PLEKHA5: variants seen among roughly 807,000 people sequenced by gnomAD.
PLEKHA5 encodes pleckstrin homology domain containing A5, also known as pleckstrin homology domain-containing family A member 5.
In PLEKHA5, 55 loss-of-function variants were observed where a neutral mutation model predicts 181.9. That is an observed-to-expected ratio of 0.30 (90% confidence interval 0.24 to 0.38). The LOEUF is 0.38. Among genes scored for constraint, PLEKHA5 ranks in the 10% least tolerant of loss-of-function variants. The probability of loss-of-function intolerance (pLI) is 1.00; values close to 1 mark genes in which losing one functional copy is unlikely to be tolerated. For synonymous variants in PLEKHA5, 535 were observed against 529.4 expected, an observed-to-expected ratio of 1.01 and a Z score of -0.15; for missense variants, 1,432 against 1,549.5, an observed-to-expected ratio of 0.92 and a Z score of 1.27.
chr12:19,295,490 T>G (rs2079527963), intron 15 of PLEKHA5, among the ~76,000 whole-genome samples: 1 of 152,186 alleles, frequency 6.6e-6, no homozygotes, highest in Non-Finnish European at 1.5e-5. Flanking sequence ...GAATGAAATA[T>G]CCTGTTGTAG....
At chr12:19,180,636 A>C (rs2048318657) in intron 3 of PLEKHA5, among the ~76,000 whole-genome samples, 1 of 152,140 alleles carries the variant, frequency 6.6e-6, no homozygotes, top group Non-Finnish European at 1.5e-5. Context: ...TTATTTGGCC[A>C]AAAAAATTGA....
At chr12:19,202,326 A>G (rs1451787781) in intron 3 of PLEKHA5, among the ~76,000 whole-genome samples, 1 of 152,114 alleles carries the variant, frequency 6.6e-6, no homozygotes, top group Non-Finnish European at 1.5e-5. Flanking sequence ...TGAATATTAA[A>G]TGAAATCATA....
At position 19,361,605 on chromosome 12, in the gene PLEKHA5, A is replaced by G. The variant is rs147625761; in HGVS notation, c.3507A>G (p.Ser1169=). The change falls in exon 29 of 32, where the codon TCA becomes TCG. Residue 1169 remains serine (S), a synonymous_variant. Transcript: ENST00000429027. ...AGTTAAAAAAAACTGAAAACATTTC[A>G]TATGAAATGCTTTTTGAACCTGAGC... The part of the protein sequence containing the change: ...SKELKKTENI[S]YEMLFEPEPN... The G allele has an allele frequency of 1.6e-3, 2,469 of 1,518,740 alleles. 1 individual carries two copies. The highest frequency in any genetic ancestry group is 2.1e-3 in the Non-Finnish European group (2,322 of 1,106,724). 94.1% of individuals were successfully genotyped at this position (1,518,740 alleles called of 1,614,324 possible). A position where few individuals can be genotyped will look rare whatever the true frequency, so the allele number is the denominator to read the frequency against.
At chr12:19,248,669 G>A (rs1049706401) in intron 3 of PLEKHA5, among the ~76,000 whole-genome samples, 2 of 151,970 alleles carry the variant, frequency 1.3e-5, no homozygotes, top group Admixed American at 6.6e-5. Context: ...TTTTATAGTA[G>A]GCAGTACCAA....
chr12:19,334,829 A>AAAAAAAAATATATATATATAT, intron 20 of PLEKHA5, among the ~76,000 whole-genome samples: 4 of 18,598 alleles, frequency 2.2e-4, no homozygotes, highest in Non-Finnish European at 4.3e-4. Flanking sequence ...AAAAAAAAAA[A>AAAAAAAAATATATATATATAT]ATATATATAT....
At chr12:19,196,255 T>G (rs973760410) in intron 3 of PLEKHA5, among the ~76,000 whole-genome samples, 1 of 152,220 alleles carries the variant, frequency 6.6e-6, no homozygotes, top group Non-Finnish European at 1.5e-5. Context: ...GATTAACTAT[T>G]TCAATCAAAT....
At chr12:19,200,453 A>G (rs1592041167) in intron 3 of PLEKHA5, 6 of 1,442,008 alleles carry the variant, frequency 4.2e-6, no homozygotes, top group Non-Finnish European at 5.4e-6. Flanking sequence ...AGCATATTCT[A>G]AACTGATTGT....
At chr12:19,318,008 T>C (rs1188677951) in intron 16 of PLEKHA5, among the ~76,000 whole-genome samples, 1 of 143,130 alleles carries the variant, frequency 7.0e-6, no homozygotes, top group Non-Finnish European at 1.5e-5. Flanking sequence ...TTAACCAGAA[T>C]GCTCATGAAA....
intron 3 of PLEKHA5, among the ~76,000 whole-genome samples, chr12:19,179,808 TAAAGACACACA>T (rs1194883627): frequency 5.3e-5 from 8 of 152,208 alleles, no homozygotes; most frequent in Non-Finnish European, 8.8e-5. Flanking sequence ...CTCTCATTTG[TAAAGACACACA>T]ATAATAACCT....
intron 15 of PLEKHA5, chr12:19,306,632 G>A (rs1028999792): frequency 1.3e-5 from 15 of 1,123,628 alleles, no homozygotes; most frequent in African/African-American, 7.8e-5. Flanking sequence ...CGGTGGAGGC[G>A]GCGGCATCGA....
At chr12:19,302,995 C>G (rs889902501) in intron 15 of PLEKHA5, among the ~76,000 whole-genome samples, 1 of 133,504 alleles carries the variant, frequency 7.5e-6, no homozygotes, top group Admixed American at 8.7e-5. Context: ...CATCTCGGCT[C>G]ACTGCAACCT....
intron 16 of PLEKHA5, chr12:19,319,565 C>T: frequency 6.3e-6 from 1 of 159,482 alleles, no homozygotes; most frequent in Non-Finnish European, 1.4e-5. Flanking sequence ...GTAATTGGGA[C>T]ACATTACTTC....
chr12:19,255,287 G>A (rs2066553071), intron 5 of PLEKHA5, 122 bp downstream of exon 5: 2 of 553,148 alleles, frequency 3.6e-6, no homozygotes, highest in Non-Finnish European at 2.8e-6. Context: ...GAATTTGAAG[G>A]TAATTGATAT....
In PLEKHA5 at chr12:19,366,113, G is replaced by C. The variant is rs1565671522; in HGVS notation, c.3754+4G>C. ...AGAGGAAATCAAACAATGGCAGGTA[G>C]GTAGTATACACTTCATAATTTTCTA... On this transcript the variant is annotated splice_donor_region_variant and intron_variant, in intron 30 of 31. Coordinates refer to ENST00000429027, the MANE Select transcript of PLEKHA5 (RefSeq NM_001256470.2). 6.2e-7 allele frequency: 1 copy of C among 1,602,846 alleles called. No individual in the cohort carries two copies. The highest frequency in any genetic ancestry group is 1.3e-5 in the African/African-American group (1 of 74,476).
chr12:19,283,181 GTA>G (rs2076563247), intron 11 of PLEKHA5, 97 bp from the exon 12 acceptor site: 2 of 372,956 alleles, frequency 5.4e-6, no homozygotes, highest in Non-Finnish European at 9.6e-6. Flanking sequence ...AAATTCTAAT[GTA>G]TATTTTACTT....
In PLEKHA5 at chr12:19,359,832, G is replaced by A. The variant is rs1468718148; in HGVS notation, c.3483+286G>A. ...CAAAAAAAAATTAGCCGGGCTTGGTGGCAGGCTCCTGTAGTCCCAGCTACT... is the reference window on the plus strand; with the variant it reads ...CAAAAAAAAATTAGCCGGGCTTGGTAGCAGGCTCCTGTAGTCCCAGCTACT... On this transcript the variant is annotated intron_variant, in intron 28 of 31. Transcript: ENST00000429027. Among the ~76,000 whole-genome samples the A allele has an allele frequency of 3.3e-5, 5 of 151,854 alleles. No homozygotes were observed. In the East Asian group the frequency reaches 9.7e-4, roughly 29 times the overall value.
At chr12:19,300,735 A>G (rs1022458747) in intron 15 of PLEKHA5, among the ~76,000 whole-genome samples, 14 of 152,218 alleles carry the variant, frequency 9.2e-5, no homozygotes, top group African/African-American at 3.4e-4. Context: ...AAATCTTTGA[A>G]TTAATGGTAG....
chr12:19,233,510 A>G (rs2060941831), intron 3 of PLEKHA5, among the ~76,000 whole-genome samples: 2 of 152,092 alleles, frequency 1.3e-5, no homozygotes, highest in Non-Finnish European at 2.9e-5. Context: ...ATTGGTACCA[A>G]TTTACGGTAT....
intron 3 of PLEKHA5, among the ~76,000 whole-genome samples, chr12:19,216,104 A>C (rs1441562618): frequency 6.6e-6 from 1 of 152,214 alleles, no homozygotes; most frequent in Non-Finnish European, 1.5e-5. Flanking sequence ...ATAAGTTACC[A>C]TGCTGTCAGA....
Sources: gnomAD v4.1 joint callset for allele counts (sites outside exome capture counted in the v4.1 genomes callset) on GRCh38, gnomAD v4.1.1 for gene constraint, MANE v1.5 for transcripts, NCBI Gene and HGNC (gene_info 2026-07-23, HGNC 2026-07-21) for gene names.